Variants in SMURF2 observed in about 807,000 individuals in gnomAD.
SMURF2 encodes E3 ubiquitin-protein ligase SMURF2.
In SMURF2, 48 loss-of-function variants were observed where a neutral mutation model predicts 109.6. The ratio of observed to expected loss-of-function variants is 0.44; its 90% confidence interval spans 0.35 to 0.56. The LOEUF is 0.56. SMURF2 is among the 20% of genes least tolerant of loss of function. The probability of loss-of-function intolerance (pLI) is 0.01; values close to 1 mark genes in which losing one functional copy is unlikely to be tolerated. For missense variants in SMURF2, 575 were observed against 909.0 expected, an observed-to-expected ratio of 0.63 and a Z score of 4.72; for synonymous variants, 288 against 317.1, an observed-to-expected ratio of 0.91 and a Z score of 0.97.
In SMURF2 at chr17:64,595,969, A is replaced by C. The variant is rs1969810883; in HGVS notation, c.201-2396T>G. On this transcript the variant is annotated intron_variant, in intron 3 of 18. Transcript: ENST00000262435. ...ACAATTTCCAAAATGGTACCCACCA[A>C]CCACGAGACCCTTGAGGACTTCAAG... Among the ~76,000 whole-genome samples, 5 of 152,300 alleles carry C rather than the reference A, an allele frequency of 3.3e-5. No homozygotes were observed. In the South Asian group the frequency reaches 1.0e-3, roughly 32 times the overall value.
Sources: gnomAD v4.1 joint callset for allele counts (sites outside exome capture counted in the v4.1 genomes callset) on GRCh38, gnomAD v4.1.1 for gene constraint, MANE v1.5 for transcripts, NCBI Gene and HGNC (gene_info 2026-07-23, HGNC 2026-07-21) for gene names.